The following KPNA1 variants were observed in gnomAD, a reference collection of about 807,000 sequenced individuals.
KPNA1 encodes the protein karyopherin subunit alpha 1, also known as importin subunit alpha-5.
KPNA1 carries 10 observed loss-of-function variants against 70.5 expected under a neutral mutation model. The ratio of observed to expected loss-of-function variants is 0.14; its 90% CI spans 0.09 to 0.24. KPNA1 has a LOEUF of 0.24. KPNA1 is among the 10% of genes least tolerant of loss of function. The probability of loss-of-function intolerance (pLI) is 1.00; values close to 1 mark genes in which losing one functional copy is unlikely to be tolerated. For missense variants in KPNA1, 397 were observed against 637.9 expected (o/e 0.62, Z 4.07); for synonymous variants, 192 against 221.9 (o/e 0.87, Z 1.20).
intron 1 of KPNA1, among the ~76,000 whole-genome samples, chr3:122,506,942 T>C (rs2076896750): frequency 6.6e-6 from 1 of 152,160 alleles, no homozygotes. Flanking sequence ...AAACTAGTAG[T>C]ATGTGTAAGA....
intron 2 of KPNA1, among the ~76,000 whole-genome samples, chr3:122,474,107 T>G (rs1452591114): frequency 6.6e-6 from 1 of 152,018 alleles, no homozygotes; most frequent in Non-Finnish European, 1.5e-5. Flanking sequence ...TACATTACAC[T>G]CCCCAAAAAA....
chr3:122,478,232 A>G (rs909373030), intron 2 of KPNA1, among the ~76,000 whole-genome samples: 1 of 152,062 alleles, frequency 6.6e-6, no homozygotes, highest in African/African-American at 2.4e-5. Flanking sequence ...TGCTGGAACA[A>G]CTGGGCACAC....
At chr3:122,509,463 T>C (rs981645721) in intron 1 of KPNA1, among the ~76,000 whole-genome samples, 1 of 152,146 alleles carries the variant, frequency 6.6e-6, no homozygotes, top group African/African-American at 2.4e-5. Flanking sequence ...GAAAGGCAAC[T>C]CAGGGATCAA....
At chr3:122,508,038 A>C in intron 1 of KPNA1, among the ~76,000 whole-genome samples, 1 of 152,108 alleles carries the variant, frequency 6.6e-6, no homozygotes, top group Middle Eastern at 3.2e-3. Context: ...TGGTCATTCA[A>C]ATGCTGTGAA....
At chr3:122,458,824 C>CAAG (rs1219277623) in intron 5 of KPNA1, among the ~76,000 whole-genome samples, 1 of 152,150 alleles carries the variant, frequency 6.6e-6, no homozygotes, top group Non-Finnish European at 1.5e-5. Flanking sequence ...TATTTGCCCC[C>CAAG]TTGCTTCTGA....
chr3:122,427,354 A>C (rs2075836023), intron 13 of KPNA1, 182 bp from the exon 14 acceptor site: 1 of 734,772 alleles, frequency 1.4e-6, no homozygotes, highest in Admixed American at 2.9e-5. Context: ...TTACATCTGA[A>C]AGCTAGTATT....
rs2075787447 is a variant in KPNA1 at position 122,423,868 on chromosome 3, G to A, written c.*3117C>T. 1.3e-5 allele frequency: 2 copies of A among 152,448 alleles called. No homozygotes were observed. The highest frequency in any genetic ancestry group is 4.8e-5 in the African/African-American group (2 of 41,422). 9.4% of individuals were successfully genotyped at this position (152,448 alleles called of 1,614,324 possible). On this transcript the variant is annotated 3_prime_UTR_variant, in exon 14 of 14. Coordinates refer to ENST00000344337, the MANE Select transcript of KPNA1 (RefSeq NM_002264.4). ...AATAACCTTCATCTGTCATATGGAA[G>A]AAACAATCCTAGGGCAATAGTTTTT...
At chr3:122,433,541 T>C (rs1158868544) in intron 12 of KPNA1, 120 bp downstream of exon 12, 3 of 749,806 alleles carry the variant, frequency 4.0e-6, no homozygotes, top group African/African-American at 1.8e-5. Flanking sequence ...GTCTCTCACT[T>C]ACTTTTCCCC....
At chr3:122,466,465 G>A (rs901461186) in intron 3 of KPNA1, among the ~76,000 whole-genome samples, 1 of 151,132 alleles carries the variant, frequency 6.6e-6, no homozygotes, top group Non-Finnish European at 1.5e-5. Context: ...CTGTGTGTGT[G>A]TACACATATA....
intron 2 of KPNA1, among the ~76,000 whole-genome samples, chr3:122,493,551 C>T (rs955888296): frequency 1.3e-5 from 2 of 152,012 alleles, no homozygotes; most frequent in African/African-American, 2.4e-5. Flanking sequence ...TGAGCTGTAA[C>T]GGAAAGCTGT....
At chr3:122,495,007 T>C (rs2076740971) in intron 2 of KPNA1, among the ~76,000 whole-genome samples, 1 of 152,028 alleles carries the variant, frequency 6.6e-6, no homozygotes, top group Admixed American at 6.5e-5. Flanking sequence ...ATCCCAGCAC[T>C]TTGGGAGGCT....
chr3:122,457,815 TTCC>T, intron 5 of KPNA1: 1 of 1,289,832 alleles, frequency 7.8e-7, no homozygotes, highest in Non-Finnish European at 1.0e-6. Flanking sequence ...ACTTTGCCGG[TTCC>T]ACTCTGGTTC....
At chr3:122,476,560 A>C (rs754973609) in intron 2 of KPNA1, among the ~76,000 whole-genome samples, 4 of 152,160 alleles carry the variant, frequency 2.6e-5, no homozygotes, top group Non-Finnish European at 4.4e-5. Context: ...GGAACTCAAA[A>C]ATAACTCAAT....
At chr3:122,430,889 T>C (rs919193290) in intron 12 of KPNA1, among the ~76,000 whole-genome samples, 1 of 152,210 alleles carries the variant, frequency 6.6e-6, no homozygotes, top group Non-Finnish European at 1.5e-5. Flanking sequence ...CATCCCAGTA[T>C]TCACCAGTCG....
chr3:122,495,261 C>CAAAAAAAAAAA, intron 2 of KPNA1, among the ~76,000 whole-genome samples: 1 of 57,830 alleles, frequency 1.7e-5, no homozygotes, highest in Admixed American at 1.4e-4. Context: ...CTCAAACAAA[C>CAAAAAAAAAAA]CAAAAAAAAA....
At chr3:122,475,322 T>C (rs1446515931) in intron 2 of KPNA1, among the ~76,000 whole-genome samples, 1 of 152,096 alleles carries the variant, frequency 6.6e-6, no homozygotes, top group Non-Finnish European at 1.5e-5. Flanking sequence ...GACCTGTACA[T>C]TAAAAACTAC....
At chr3:122,444,942 G>T (rs2076116547) in intron 9 of KPNA1, among the ~76,000 whole-genome samples, 1 of 152,154 alleles carries the variant, frequency 6.6e-6, no homozygotes, top group Admixed American at 6.5e-5. Flanking sequence ...CACAAAGATG[G>T]GGAGAAACCA....
intron 3 of KPNA1, among the ~76,000 whole-genome samples, chr3:122,465,313 C>T (rs1229249702): frequency 6.6e-6 from 1 of 152,180 alleles, no homozygotes; most frequent in East Asian, 1.9e-4. Flanking sequence ...TACACCTAAC[C>T]TACCAAACTT....
In KPNA1 at chr3:122,427,063, A is replaced by G. The variant is rs147574538; in HGVS notation, c.1539T>C (p.Ile513=). ...YFGTEDEDSS[I]APQVDLNQQQ... ...GCTGGTTAAGGTCAACCTGGGGTGC[A>G]ATGCTGCTGTCTTCATCTTCGGTCC... The change falls in exon 14 of 14, where the codon ATT becomes ATC. Residue 513 remains isoleucine (I), a synonymous_variant. Coordinates refer to ENST00000344337, the MANE Select transcript of KPNA1 (RefSeq NM_002264.4). 6.0e-4 allele frequency: 962 copies of G among 1,614,040 alleles called. 1 individual carries two copies. The highest frequency in any genetic ancestry group is 7.9e-4 in the Non-Finnish European group (929 of 1,180,026).
Sources: allele counts gnomAD v4.1 joint callset (sites outside exome capture counted in the v4.1 genomes callset), GRCh38; gene constraint gnomAD v4.1.1; transcripts MANE v1.5; gene names NCBI Gene and HGNC (gene_info 2026-07-23, HGNC 2026-07-21).